NTM: variants seen among roughly 807,000 people sequenced by gnomAD.
NTM encodes the protein neurotrimin.
NTM carries 13 observed loss-of-function variants against 42.1 expected under a neutral mutation model. That is an observed-to-expected ratio of 0.31 (90% CI 0.20 to 0.49). The LOEUF is 0.49. Among genes scored for constraint, NTM ranks in the 20% least tolerant of loss-of-function variants. NTM has a pLI of 0.99. For missense variants in NTM, 373 were observed against 452.8 expected, an observed-to-expected ratio of 0.82 and a Z score of 1.60; for synonymous variants, 187 against 179.2, an observed-to-expected ratio of 1.04 and a Z score of -0.35.
intron 1 of NTM, among the ~76,000 whole-genome samples, chr11:131,609,076 G>C (rs4936141): frequency 0.42 from 64,414 of 152,148 alleles, 15,960 homozygotes; most frequent in East Asian, 0.61. Flanking sequence ...GGGTGCATGG[G>C]TCAGGATGTG....
At chr11:132,137,162 C>T (rs1300350633) in intron 2 of NTM, among the ~76,000 whole-genome samples, 1 of 152,224 alleles carries the variant, frequency 6.6e-6, no homozygotes, top group Non-Finnish European at 1.5e-5. Context: ...GCCAGGCTGG[C>T]CTAACTTGTC....
At chr11:131,671,449 C>G (rs914113418) in intron 1 of NTM, 1 of 985,336 alleles carries the variant, frequency 1.0e-6, no homozygotes, top group Admixed American at 6.1e-5. Context: ...TGGGCCTTGT[C>G]AGCTCTGGGC....
At chr11:132,290,804 G>A (rs2094431852) in intron 4 of NTM, among the ~76,000 whole-genome samples, 1 of 152,150 alleles carries the variant, frequency 6.6e-6, no homozygotes, top group African/African-American at 2.4e-5. Context: ...CTATCCCAGG[G>A]GATGTGCAGA....
intron 4 of NTM, among the ~76,000 whole-genome samples, chr11:132,236,450 G>A (rs752085038): frequency 6.6e-5 from 10 of 152,112 alleles, no homozygotes; most frequent in African/African-American, 9.7e-5. Context: ...TTTGTCAGCC[G>A]CTTCTCCAAT....
chr11:131,889,196 AGCAAGCAG>A (rs1423987743), intron 1 of NTM, among the ~76,000 whole-genome samples: 2 of 152,246 alleles, frequency 1.3e-5, no homozygotes, highest in African/African-American at 4.8e-5. Context: ...ATCTGTCTGT[AGCAAGCAG>A]GCCTGGAGTT....
At chr11:131,869,728 T>C (rs974665614) in intron 1 of NTM, among the ~76,000 whole-genome samples, 1 of 150,344 alleles carries the variant, frequency 6.7e-6, no homozygotes, top group African/African-American at 2.5e-5. Context: ...CACTGTCCCA[T>C]GCTTTCTTCC....
intron 3 of NTM, among the ~76,000 whole-genome samples, chr11:132,179,878 C>A (rs1001469280): frequency 1.3e-5 from 2 of 152,168 alleles, no homozygotes; most frequent in African/African-American, 4.8e-5. Flanking sequence ...AGCATGTGGA[C>A]ACTGGGAGCA....
At chr11:131,933,987 G>A (rs7930125) in intron 2 of NTM, among the ~76,000 whole-genome samples, 5,054 of 152,178 alleles carry the variant, frequency 0.033, 128 homozygotes, top group Middle Eastern at 0.1. Flanking sequence ...ATGCAGAGAC[G>A]TGGAGGAGTC....
At chr11:132,186,201 C>T (rs1004594594) in intron 3 of NTM, among the ~76,000 whole-genome samples, 1 of 152,214 alleles carries the variant, frequency 6.6e-6, no homozygotes, top group Admixed American at 6.5e-5. Flanking sequence ...GCTCTCTCAT[C>T]ACTGGGACTT....
At chr11:131,955,244 T>G (rs1371627198) in intron 2 of NTM, among the ~76,000 whole-genome samples, 1 of 152,150 alleles carries the variant, frequency 6.6e-6, no homozygotes, top group African/African-American at 2.4e-5. Context: ...TTGTTTAGGT[T>G]TGCTGCTTGA....
chr11:132,036,702 T>C (rs1267818202), intron 2 of NTM, among the ~76,000 whole-genome samples: 1 of 152,138 alleles, frequency 6.6e-6, no homozygotes, highest in African/African-American at 2.4e-5. Context: ...CTGGAAACCA[T>C]GTGGAGAAAT....
intron 2 of NTM, among the ~76,000 whole-genome samples, chr11:131,972,345 T>G (rs182860017): frequency 1.5e-4 from 23 of 152,220 alleles, no homozygotes; most frequent in Admixed American, 1.3e-3. Context: ...TACATACACA[T>G]ACATGTATAT....
intron 7 of NTM, among the ~76,000 whole-genome samples, chr11:132,315,858 A>G (rs2095414732): frequency 6.6e-6 from 1 of 152,158 alleles, no homozygotes; most frequent in East Asian, 1.9e-4. Context: ...TGGAATGGGC[A>G]GAGCTGTGAT....
chr11:132,271,940 GAAAC>G (rs781070861), intron 4 of NTM, among the ~76,000 whole-genome samples: 1 of 151,928 alleles, frequency 6.6e-6, no homozygotes, highest in Non-Finnish European at 1.5e-5. Context: ...TGTCATATAA[GAAAC>G]AAATCATTTC....
At chr11:131,783,895 A>G (rs967998883) in intron 1 of NTM, among the ~76,000 whole-genome samples, 1 of 152,202 alleles carries the variant, frequency 6.6e-6, no homozygotes, top group Non-Finnish European at 1.5e-5. Flanking sequence ...TTGGCAAATG[A>G]CTTGTAACCA....
chr11:131,958,330 G>A (rs1313038437), intron 2 of NTM, among the ~76,000 whole-genome samples: 2 of 152,100 alleles, frequency 1.3e-5, no homozygotes, highest in Non-Finnish European at 2.9e-5. Flanking sequence ...GACTCTCAGG[G>A]GTTGTGGGAG....
intron 1 of NTM, among the ~76,000 whole-genome samples, chr11:131,814,877 T>G (rs2092885142): frequency 6.6e-6 from 1 of 152,098 alleles, no homozygotes; most frequent in Non-Finnish European, 1.5e-5. Flanking sequence ...ATGCAAGCAA[T>G]CACCAAGTAA....
chr11:132,298,419 C>T (rs1474909665), intron 4 of NTM, among the ~76,000 whole-genome samples: 1 of 152,182 alleles, frequency 6.6e-6, no homozygotes, highest in Non-Finnish European at 1.5e-5. Flanking sequence ...CAGCTGTGTG[C>T]TTTCTGACTT....
At chr11:131,671,368 C>T (rs2070198671) in intron 1 of NTM, 1 of 934,150 alleles carries the variant, frequency 1.1e-6, no homozygotes, top group Non-Finnish European at 1.3e-6. Flanking sequence ...TTATGGAAGG[C>T]CAGGGACACC....
Sources: gnomAD v4.1 joint callset for allele counts (sites outside exome capture counted in the v4.1 genomes callset) on GRCh38, gnomAD v4.1.1 for gene constraint, MANE v1.5 for transcripts, NCBI Gene and HGNC (gene_info 2026-07-23, HGNC 2026-07-21) for gene names.